HOOK3: variants seen among roughly 807,000 people sequenced by gnomAD.
HOOK3 encodes the protein protein Hook homolog 3.
In HOOK3, 24 loss-of-function variants were observed where a neutral mutation model predicts 116.3. That is an observed-to-expected ratio of 0.21 (90% confidence interval 0.15 to 0.29). The LOEUF is 0.29. Ranked by LOEUF, HOOK3 falls within the 10% of genes least tolerant of loss-of-function variation. The pLI is 1.00. For synonymous variants in HOOK3, 275 were observed against 283.0 expected, an observed-to-expected ratio of 0.97 and a Z score of 0.28; for missense variants, 632 against 830.2, an observed-to-expected ratio of 0.76 and a Z score of 2.93.
At chr8:42,991,994 A>G (rs1273155830) in intron 15 of HOOK3, among the ~76,000 whole-genome samples, 5 of 152,154 alleles carry the variant, frequency 3.3e-5, no homozygotes, top group Non-Finnish European at 7.4e-5. Context: ...TTTTAATTGT[A>G]GAGCTCATTC....
rs756649322 is a variant in HOOK3, at chr8:42,968,183, C to T, written c.1091C>T (p.Ala364Val). The change falls in exon 11 of 22, where the codon GCG (alanine) becomes GTG (valine). Residue 364 changes from alanine (A) to valine (V), a missense_variant. Around this residue, in one of 3 missense-constraint regions of HOOK3, gnomAD observed 483 missense variants for 648.1 expected, o/e 0.75. Transcript: ENST00000307602. ...LEEELRKANA[A>V]RSQLETYKRQ... The stretch of plus-strand genomic sequence containing the variant: ...GAAGAGTTAAGAAAGGCCAACGCAG[C>T]GCGAAGTCAACTTGAAACCTACAAG... 3.7e-5 allele frequency: 60 copies of T among 1,613,412 alleles called. No individual in the cohort carries two copies. The East Asian group carries it at 1.0e-3, about 28-fold the overall frequency.
intron 16 of HOOK3, among the ~76,000 whole-genome samples, chr8:42,999,703 T>A (rs987733670): frequency 2.0e-5 from 3 of 152,200 alleles, no homozygotes; most frequent in African/African-American, 7.2e-5. Context: ...TTATTATTTT[T>A]ATGTAATTTG....
intron 2 of HOOK3, among the ~76,000 whole-genome samples, chr8:42,916,489 A>G (rs1462062428): frequency 6.6e-6 from 1 of 152,224 alleles, no homozygotes; most frequent in African/African-American, 2.4e-5. Context: ...ATTACTATTG[A>G]GAAAAGAACT....
intron 15 of HOOK3, among the ~76,000 whole-genome samples, chr8:42,991,271 T>G (rs1586624917): frequency 6.6e-6 from 1 of 152,212 alleles, no homozygotes; most frequent in African/African-American, 2.4e-5. Context: ...TTGGTTATTC[T>G]GGGTATTCTG....
intron 2 of HOOK3, among the ~76,000 whole-genome samples, chr8:42,924,161 T>C (rs1807716187): frequency 1.3e-5 from 2 of 151,984 alleles, no homozygotes; most frequent in South Asian, 4.1e-4. Flanking sequence ...AGTTGTGGTG[T>C]TATGGAAAGA....
intron 2 of HOOK3, among the ~76,000 whole-genome samples, chr8:42,922,537 A>G (rs1807676776): frequency 6.6e-6 from 1 of 152,154 alleles, no homozygotes; most frequent in Non-Finnish European, 1.5e-5. Flanking sequence ...AGCCTGGGCA[A>G]CAGAGTGGGA....
At chr8:42,949,477 C>CACTA (rs1808297062) in intron 5 of HOOK3, 1 of 152,166 alleles carries the variant, frequency 6.6e-6, no homozygotes, top group Non-Finnish European at 1.5e-5. Flanking sequence ...TGTGATAACT[C>CACTA]ACTACCTTTA....
Position 42,939,690 on chromosome 8 carries a change from G to A in HOOK3, c.268-3623G>A, listed in dbSNP as rs1162559501. ...AGACGCTCCTCACTCCCCAGACTGGGTGGCTGCTGGGCGGAGGGGCTCCTC... is the reference window on the plus strand; with the variant it reads ...AGACGCTCCTCACTCCCCAGACTGGATGGCTGCTGGGCGGAGGGGCTCCTC... On this transcript the variant is annotated intron_variant, in intron 4 of 21. Coordinates refer to ENST00000307602, the MANE Select transcript of HOOK3 (RefSeq NM_032410.4). Among the ~76,000 whole-genome samples the A allele has an allele frequency of 4.6e-5, 7 of 151,816 alleles. 1 individual carries two copies. Among genetic ancestry groups the A allele is most frequent in the Non-Finnish European group, 7.4e-5 (5 of 67,860 alleles).
rs781040778 is a variant in HOOK3 at position 43,027,480 on chromosome 8, T to C, written c.*8982T>C. The C allele has an allele frequency of 1.5e-5, 7 of 464,880 alleles. No homozygotes were observed. The highest frequency in any genetic ancestry group is 2.9e-5 in the Non-Finnish European group (7 of 238,338). 28.8% of individuals were successfully genotyped at this position (464,880 alleles called of 1,614,324 possible). On this transcript the variant is annotated 3_prime_UTR_variant, in exon 22 of 22. Transcript: ENST00000307602. ...AACGTTTCTCTTCTACCTTACCCCC[T>C]GTTCTACTGACGTGCTTTGCATGAG...
intron 4 of HOOK3, among the ~76,000 whole-genome samples, chr8:42,934,684 T>C (rs1191832390): frequency 6.6e-6 from 1 of 152,092 alleles, no homozygotes; most frequent in Admixed American, 6.6e-5. Context: ...AGAATGATGG[T>C]TTCTGAGCTT....
intron 4 of HOOK3, among the ~76,000 whole-genome samples, chr8:42,937,395 T>C (rs2130374630): frequency 6.6e-6 from 1 of 151,520 alleles, no homozygotes; most frequent in South Asian, 2.1e-4. Context: ...GTCCTTCAGT[T>C]CTGCTCTGAT....
At position 42,937,695 on chromosome 8, in the gene HOOK3, C is replaced by T. The variant is rs188801874; in HGVS notation, c.268-5618C>T. 9.9e-5 allele frequency among the ~76,000 whole-genome samples: 15 copies of T among 152,200 alleles called. No individual in the cohort carries two copies. The South Asian group carries it at 1.0e-3, about 11-fold the overall frequency. On this transcript the variant is annotated intron_variant, in intron 4 of 21. Coordinates refer to ENST00000307602, the MANE Select transcript of HOOK3 (RefSeq NM_032410.4). ...GTTGTTCAGTTTCCATGTAGTTGTGCGGTTTTGAATGAGTTTTTAATCCTC... is the reference window on the plus strand; with the variant it reads ...GTTGTTCAGTTTCCATGTAGTTGTGTGGTTTTGAATGAGTTTTTAATCCTC...
At position 43,027,585 on chromosome 8, in the gene HOOK3, C is replaced by T. The variant is rs1809955195; in HGVS notation, c.*9087C>T. On this transcript the variant is annotated 3_prime_UTR_variant, in exon 22 of 22. Transcript: ENST00000307602. ...TGAGGGAAAGGACTGCTTTTTTTCT[C>T]TCCCAAATTAGAAAATTAAAAGTGA... 1 of 225,682 alleles carries T rather than the reference C, an allele frequency of 4.4e-6. No homozygotes were observed. Among genetic ancestry groups the T allele is most frequent in the Non-Finnish European group, 9.1e-6 (1 of 110,442 alleles). The allele number at this position is 225,682 out of a possible 1,614,324, so 14.0% of individuals were successfully genotyped here. A position where few individuals can be genotyped will look rare whatever the true frequency, so the allele number is the denominator to read the frequency against.
intron 15 of HOOK3, among the ~76,000 whole-genome samples, chr8:42,996,402 A>AAT (rs1488823965): frequency 2.6e-5 from 4 of 150,960 alleles, no homozygotes; most frequent in Admixed American, 6.6e-5. Flanking sequence ...AAAAAAAAAA[A>AAT]AGAAAAAGAA....
chr8:42,930,245 A>G, intron 4 of HOOK3, 73 bp downstream of exon 4: 1 of 1,291,074 alleles, frequency 7.7e-7, no homozygotes, highest in Non-Finnish European at 1.0e-6. Context: ...GTTTCAAGTT[A>G]AGGAAAAATT....
rs374351192 is a variant in HOOK3 at position 42,966,631 on chromosome 8, A to G, written c.920+18A>G. 382 of 1,610,944 alleles carry G rather than the reference A, an allele frequency of 2.4e-4. No individual in the cohort carries two copies. Among genetic ancestry groups the G allele is most frequent in the Non-Finnish European group, 2.9e-4 (337 of 1,177,748 alleles). Reference sequence around the variant, plus strand: ...GTGCTGAGGTAAAAACCTCACCTTCACCGCCCAGCACAGTTTGGCTCTGGT... The same window carrying G: ...GTGCTGAGGTAAAAACCTCACCTTCGCCGCCCAGCACAGTTTGGCTCTGGT... On this transcript the variant is annotated intron_variant, in intron 10 of 21. Coordinates refer to ENST00000307602, the MANE Select transcript of HOOK3 (RefSeq NM_032410.4).
intron 4 of HOOK3, among the ~76,000 whole-genome samples, chr8:42,932,265 G>C (rs1387163243): frequency 6.6e-6 from 1 of 151,978 alleles, no homozygotes; most frequent in African/African-American, 2.4e-5. Context: ...TTTTTCCTTC[G>C]ACCAGAAGTA....
At chr8:43,010,103 TA>T (rs34194371) in intron 18 of HOOK3, among the ~76,000 whole-genome samples, 1,969 of 131,570 alleles carry the variant, frequency 0.015, 13 homozygotes, top group African/African-American at 0.027. Flanking sequence ...AATCTTTTTG[TA>T]AAAAAAAAAA....
intron 2 of HOOK3, among the ~76,000 whole-genome samples, chr8:42,918,076 G>T (rs1807566587): frequency 6.6e-6 from 1 of 152,180 alleles, no homozygotes; most frequent in Non-Finnish European, 1.5e-5. Flanking sequence ...ATCTTAATTT[G>T]CTTTCATTAA....
Sources: gnomAD v4.1 joint callset for allele counts (sites outside exome capture counted in the v4.1 genomes callset) on GRCh38, gnomAD v4.1.1 for gene constraint, gnomAD v4.1.1 regional missense constraint, MANE v1.5 for transcripts, NCBI Gene and HGNC (gene_info 2026-07-23, HGNC 2026-07-21) for gene names.